Variants in COL25A1 observed in about 807,000 individuals in gnomAD.
COL25A1 encodes collagen alpha-1(XXV) chain.
A neutral mutation model predicts 128.4 loss-of-function variants in COL25A1; 103 were observed. That is an observed-to-expected ratio of 0.80 (90% CI 0.68 to 0.94). The LOEUF is 0.94. Among genes scored for constraint, COL25A1 ranks in the 40% least tolerant of loss-of-function variants. The pLI is 0.00. For missense variants in COL25A1, 745 were observed against 840.0 expected, an observed-to-expected ratio of 0.89 and a Z score of 1.40; for synonymous variants, 279 against 277.2, an observed-to-expected ratio of 1.01 and a Z score of -0.06.
chr4:109,175,121 G>C (rs1244974153), intron 3 of COL25A1, among the ~76,000 whole-genome samples: 1 of 152,084 alleles, frequency 6.6e-6, no homozygotes, highest in Non-Finnish European at 1.5e-5. Context: ...CTGGCCCCTG[G>C]TGCCAAAAAG....
At chr4:108,896,562 T>G (rs1424448764) in intron 16 of COL25A1, 105 bp downstream of exon 16, 4 of 886,812 alleles carry the variant, frequency 4.5e-6, no homozygotes. Context: ...GACCTTTTCA[T>G]ATTAAGCAAC....
chr4:109,301,508 G>A (rs1041536095), intron 2 of COL25A1, among the ~76,000 whole-genome samples: 1 of 152,178 alleles, frequency 6.6e-6, no homozygotes, highest in Non-Finnish European at 1.5e-5. Context: ...AAGAGAGAGT[G>A]AGGGAAGATT....
intron 6 of COL25A1, among the ~76,000 whole-genome samples, chr4:109,002,054 G>A (rs1755475248): frequency 6.6e-6 from 1 of 152,150 alleles, no homozygotes; most frequent in African/African-American, 2.4e-5. Flanking sequence ...AAAGACAAAA[G>A]ATAACAAGTG....
In COL25A1 at chr4:108,984,701, C is replaced by T. The variant is rs577144144; in HGVS notation, c.439-10142G>A. On this transcript the variant is annotated intron_variant, in intron 6 of 37. Transcript: ENST00000399132. ...GGAACTCCCGCTGGCCCGCAAGCAC[C>T]GCGCGCAGCCCCTGTTCCTGCCCGC... is the stretch of plus-strand genomic sequence containing the variant. Among the ~76,000 whole-genome samples the T allele has an allele frequency of 1.1e-3, 160 of 152,334 alleles. 1 individual carries two copies. Among genetic ancestry groups the T allele is most frequent in the Admixed American group, 3.1e-3 (47 of 15,308 alleles).
intron 3 of COL25A1, among the ~76,000 whole-genome samples, chr4:109,068,570 T>C (rs886860573): frequency 6.6e-6 from 1 of 152,178 alleles, no homozygotes; most frequent in Non-Finnish European, 1.5e-5. Context: ...ATGAATCTGA[T>C]AATCCTATAT....
In COL25A1 at chr4:109,219,382, C is replaced by G. The variant is rs143701579; in HGVS notation, c.367+81201G>C. Among the ~76,000 whole-genome samples the G allele has an allele frequency of 8.5e-5, 13 of 152,060 alleles. No individual in the cohort carries two copies. In the South Asian group the frequency reaches 2.7e-3, roughly 32 times the overall value. On this transcript the variant is annotated intron_variant, in intron 3 of 37. Transcript: ENST00000399132. ...GAGGCAGTTTCTACCAACAGTCACACAGAGAATGAGTTTTTTTTTTAAGGT... is the reference window on the plus strand; with the variant it reads ...GAGGCAGTTTCTACCAACAGTCACAGAGAGAATGAGTTTTTTTTTTAAGGT...
In COL25A1 at chr4:108,886,477, TGTGTGTGTGTGTGTG is replaced by T. The variant is rs1560806301; in HGVS notation, c.976-2270_976-2256del. ...GTGTGTGTGTGTGTGTGTGTGTGTGTGTGTGTGTGTGTGTGTTTAGCTCATCAGCTATTTTATGTG... is the reference window on the plus strand; with the variant it reads ...GTGTGTGTGTGTGTGTGTGTGTGTGTTTTAGCTCATCAGCTATTTTATGTG... On this transcript the variant is annotated intron_variant, in intron 18 of 37. Transcript: ENST00000399132. 2.3e-3 allele frequency among the ~76,000 whole-genome samples: 305 copies of T among 130,044 alleles called. 7 individuals carry two copies. Among genetic ancestry groups the T allele is most frequent in the African/African-American group, 8.1e-3 (295 of 36,628 alleles). The allele number at this position is 130,044 out of a possible 152,430, so 85.3% of individuals were successfully genotyped here. A position where few individuals can be genotyped will look rare whatever the true frequency, so the allele number is the denominator to read the frequency against.
chr4:108,870,575 AT>A (rs1201360260), intron 19 of COL25A1, among the ~76,000 whole-genome samples: 8 of 152,306 alleles, frequency 5.3e-5, no homozygotes, highest in Non-Finnish European at 2.9e-5. Flanking sequence ...TGAAAATATA[AT>A]TTTGGGTGGA....
chr4:108,940,361 G>A (rs1484340744), intron 10 of COL25A1, among the ~76,000 whole-genome samples, 178 bp downstream of exon 10: 1 of 152,042 alleles, frequency 6.6e-6, no homozygotes, highest in Non-Finnish European at 1.5e-5. Context: ...GCTGCTTGGG[G>A]ACTTTCCCAT....
At chr4:109,233,791 G>A (rs752815334) in intron 3 of COL25A1, among the ~76,000 whole-genome samples, 1 of 152,062 alleles carries the variant, frequency 6.6e-6, no homozygotes, top group African/African-American at 2.4e-5. Flanking sequence ...GTAATTATAG[G>A]CTTCCAGAGG....
chr4:108,894,539 T>G (rs1741912895), intron 16 of COL25A1, among the ~76,000 whole-genome samples: 1 of 152,160 alleles, frequency 6.6e-6, no homozygotes, highest in Non-Finnish European at 1.5e-5. Context: ...AAATTAAAAT[T>G]TCAGTGTCCA....
intron 3 of COL25A1, among the ~76,000 whole-genome samples, chr4:109,065,761 T>C (rs370555055): frequency 5.3e-5 from 8 of 152,304 alleles, no homozygotes; most frequent in East Asian, 3.9e-4. Flanking sequence ...CTAATGACTA[T>C]CTCTGGTCAT....
At chr4:109,271,614 G>A (rs1490976863) in intron 3 of COL25A1, among the ~76,000 whole-genome samples, 2 of 152,150 alleles carry the variant, frequency 1.3e-5, no homozygotes, top group Non-Finnish European at 2.9e-5. Context: ...TATATTAAAT[G>A]TTATTGAGTG....
intron 3 of COL25A1, among the ~76,000 whole-genome samples, chr4:109,146,212 TA>T (rs2126094020): frequency 6.6e-6 from 1 of 152,280 alleles, no homozygotes; most frequent in South Asian, 2.1e-4. Flanking sequence ...AAGTAACTGT[TA>T]AGTAAAAATG....
chr4:109,287,574 A>T (rs190612941), intron 3 of COL25A1, among the ~76,000 whole-genome samples: 28 of 152,268 alleles, frequency 1.8e-4, no homozygotes, highest in African/African-American at 5.3e-4. Context: ...ACCAGAATGT[A>T]ACTTGCTTTT....
At chr4:109,054,613 G>A (rs1380399328) in intron 3 of COL25A1, among the ~76,000 whole-genome samples, 1 of 152,114 alleles carries the variant, frequency 6.6e-6, no homozygotes, top group East Asian at 1.9e-4. Context: ...ATCCCCAGAA[G>A]CATAGGGAAC....
intron 3 of COL25A1, among the ~76,000 whole-genome samples, chr4:109,233,400 C>T (rs1256004326): frequency 1.3e-5 from 2 of 152,092 alleles, no homozygotes; most frequent in Non-Finnish European, 2.9e-5. Context: ...TCTGATCCAA[C>T]TAGTACAAAA....
chr4:109,158,197 A>T (rs1223823102), intron 3 of COL25A1, among the ~76,000 whole-genome samples: 2 of 152,212 alleles, frequency 1.3e-5, no homozygotes, highest in East Asian at 3.8e-4. Context: ...AAAAACAAAA[A>T]GAAAAAGAAA....
chr4:108,942,387 T>C (rs1367262650), intron 8 of COL25A1: 3 of 861,708 alleles, frequency 3.5e-6, no homozygotes, highest in Non-Finnish European at 5.6e-6. Flanking sequence ...CTTAGAAGTC[T>C]TGCCTCATCT....
Sources: gnomAD v4.1 joint callset for allele counts (sites outside exome capture counted in the v4.1 genomes callset) on GRCh38, gnomAD v4.1.1 for gene constraint, MANE v1.5 for transcripts, NCBI Gene and HGNC (gene_info 2026-07-23, HGNC 2026-07-21) for gene names.